Variants in NAV2 observed in about 807,000 individuals in gnomAD.
NAV2 encodes the protein helicase, APC down-regulated 1.
In NAV2, 54 loss-of-function variants were observed where a neutral mutation model predicts 223.2. The ratio of observed to expected loss-of-function variants is 0.24; its 90% CI spans 0.19 to 0.30. The LOEUF (loss-of-function observed/expected upper bound fraction) is 0.30. NAV2 is among the 10% of genes least tolerant of loss of function. NAV2 has a pLI of 1.00. For synonymous variants in NAV2, 1,279 were observed against 1,239.3 expected, an observed-to-expected ratio of 1.03 and a Z score of -0.67; for missense variants, 2,806 against 3,147.5, an observed-to-expected ratio of 0.89 and a Z score of 2.60.
At chr11:19,844,478 C>T (rs1483642742) in intron 3 of NAV2, among the ~76,000 whole-genome samples, 1 of 152,198 alleles carries the variant, frequency 6.6e-6, no homozygotes, top group Admixed American at 6.5e-5. Context: ...TCTGAAATAT[C>T]TGGGACCAGA....
At chr11:20,027,378 A>C (rs2055204117) in intron 11 of NAV2, 3 of 984,834 alleles carry the variant, frequency 3.0e-6, no homozygotes, top group Non-Finnish European at 3.6e-6. Flanking sequence ...ACTTTTTTGC[A>C]ACTGAATGCA....
At chr11:19,943,762 T>A (rs1477984611) in intron 8 of NAV2, among the ~76,000 whole-genome samples, 2 of 152,130 alleles carry the variant, frequency 1.3e-5, no homozygotes, top group Non-Finnish European at 2.9e-5. Context: ...TTGAAAATAG[T>A]CCTAGGCTTT....
At chr11:19,717,409 G>A (rs2050393105) in intron 1 of NAV2, among the ~76,000 whole-genome samples, 1 of 152,252 alleles carries the variant, frequency 6.6e-6, no homozygotes, top group South Asian at 2.1e-4. Flanking sequence ...AAGATGGCTG[G>A]AGAAGTCCAG....
chr11:19,633,175 A>G (rs898199230), intron 1 of NAV2, among the ~76,000 whole-genome samples: 6 of 151,102 alleles, frequency 4.0e-5, no homozygotes, highest in Middle Eastern at 3.4e-3. Flanking sequence ...GTCTCTCCCA[A>G]CTAACCTCTC....
chr11:19,869,128 T>A (rs1276214001), intron 4 of NAV2, 131 bp downstream of exon 4: 4 of 856,814 alleles, frequency 4.7e-6, no homozygotes, highest in African/African-American at 1.7e-5. Context: ...TTCCTTTATG[T>A]TGCTCAGTGG....
chr11:19,525,655 G>A (rs539740514), intron 1 of NAV2, among the ~76,000 whole-genome samples: 3 of 152,198 alleles, frequency 2.0e-5, no homozygotes, highest in Admixed American at 6.5e-5. Flanking sequence ...TGAGGGGGTT[G>A]CAGGCAAAAC....
intron 13 of NAV2, among the ~76,000 whole-genome samples, chr11:20,044,540 G>A (rs190796696): frequency 6.6e-6 from 1 of 152,304 alleles, no homozygotes; most frequent in East Asian, 1.9e-4. Context: ...AGCCAGTTCA[G>A]GCTATTCAAC....
At chr11:19,481,238 G>C (rs752422914) in intron 1 of NAV2, among the ~76,000 whole-genome samples, 8 of 152,078 alleles carry the variant, frequency 5.3e-5, no homozygotes, top group Non-Finnish European at 1.2e-4. Flanking sequence ...CTTCTGGTTG[G>C]TAGAAAAGCC....
chr11:19,867,139 G>A (rs1007141995), intron 3 of NAV2, among the ~76,000 whole-genome samples: 2 of 152,176 alleles, frequency 1.3e-5, no homozygotes, highest in African/African-American at 4.8e-5. Flanking sequence ...GGTATGGTGA[G>A]GTGGCATTTA....
At position 19,787,270 on chromosome 11, in the gene NAV2, C is replaced by CTTTTTTTTTTT. The variant is rs757183666; in HGVS notation, c.268-45196_268-45186dup. On this transcript the variant is annotated intron_variant, in intron 1 of 37. Transcript: ENST00000349880. ...CATGCCTGGCTAATTTTTATTGGATCTTTTTTTTTTTTTTTTTTTTTTTTT... is the reference window on the plus strand; with the variant it reads ...CATGCCTGGCTAATTTTTATTGGATCTTTTTTTTTTTTTTTTTTTTTTTTTTTTTTTTTTTT... Among the ~76,000 whole-genome samples, 18 of 55,002 alleles carry CTTTTTTTTTTT rather than the reference C, an allele frequency of 3.3e-4. 6 individuals carry two copies. The highest frequency in any genetic ancestry group is 5.6e-4 in the African/African-American group (9 of 16,150). The allele number at this position is 55,002 out of a possible 152,430, so 36.1% of individuals were successfully genotyped here. A position where few individuals can be genotyped will look rare whatever the true frequency, so the allele number is the denominator to read the frequency against.
chr11:19,437,234 C>T (rs1851247282), intron 1 of NAV2, among the ~76,000 whole-genome samples: 1 of 152,146 alleles, frequency 6.6e-6, no homozygotes, highest in South Asian at 2.1e-4. Context: ...TTTCTGATTA[C>T]TTAAGGCTAA....
rs577809644 is a variant in NAV2 at position 20,014,008 on chromosome 11, C to T, written c.2769-21951C>T. Among the ~76,000 whole-genome samples, 3 of 152,328 alleles carry T rather than the reference C, an allele frequency of 2.0e-5. No individual in the cohort carries two copies. The South Asian group carries it at 6.2e-4, about 32-fold the overall frequency. On this transcript the variant is annotated intron_variant, in intron 11 of 37. Coordinates refer to ENST00000349880, the MANE Select transcript of NAV2 (RefSeq NM_145117.5). ...TTCCGGTGTTCTCTCCTCTGCCCTG[C>T]AGCGCATCCTACAACATGAGGGCTG... is the stretch of plus-strand genomic sequence containing the variant.
intron 10 of NAV2, chr11:19,979,056 G>C (rs1198486504): frequency 6.6e-6 from 1 of 152,194 alleles, no homozygotes; most frequent in Non-Finnish European, 1.5e-5. Flanking sequence ...TGTAGAGAAA[G>C]TTCCTTTTGT....
At chr11:20,044,405 A>C in intron 13 of NAV2, 133 bp downstream of exon 13, 4 of 795,762 alleles carry the variant, frequency 5.0e-6, no homozygotes, top group South Asian at 2.0e-5. Flanking sequence ...GCTTCCATAA[A>C]CTTTCACATC....
chr11:19,622,162 T>A (rs1480455947), intron 1 of NAV2, among the ~76,000 whole-genome samples: 2 of 152,140 alleles, frequency 1.3e-5, no homozygotes, highest in Admixed American at 6.5e-5. Context: ...TGCTGAGGAG[T>A]GCTTTACTTC....
chr11:19,479,942 C>T (rs2042229654), intron 1 of NAV2, among the ~76,000 whole-genome samples: 1 of 152,172 alleles, frequency 6.6e-6, no homozygotes, highest in Non-Finnish European at 1.5e-5. Context: ...AACTGTGGTC[C>T]ATCTGCAGAT....
At chr11:20,019,217 G>A (rs1273093894) in intron 11 of NAV2, among the ~76,000 whole-genome samples, 4 of 152,160 alleles carry the variant, frequency 2.6e-5, no homozygotes, top group Non-Finnish European at 5.9e-5. Flanking sequence ...AGAGATGATG[G>A]CATCTTGGTC....
chr11:20,086,858 A>G (rs1046559688), intron 26 of NAV2, among the ~76,000 whole-genome samples: 1 of 152,226 alleles, frequency 6.6e-6, no homozygotes, highest in Middle Eastern at 3.4e-3. Context: ...GGGGAGTCGG[A>G]GCACTACTTT....
chr11:20,028,148 G>A (rs1564874787), intron 11 of NAV2, among the ~76,000 whole-genome samples: 1 of 152,206 alleles, frequency 6.6e-6, no homozygotes, highest in Non-Finnish European at 1.5e-5. Flanking sequence ...CAACAGTGGA[G>A]CAAAATAGAT....
Sources: gnomAD v4.1 joint callset for allele counts (sites outside exome capture counted in the v4.1 genomes callset) on GRCh38, gnomAD v4.1.1 for gene constraint, MANE v1.5 for transcripts, NCBI Gene and HGNC (gene_info 2026-07-23, HGNC 2026-07-21) for gene names.